The following SMARCAD1 variants were observed in gnomAD, a reference collection of about 807,000 sequenced individuals.
SMARCAD1 encodes SNF2 related chromatin remodeling ATPase with DExD box 1.
A neutral mutation model predicts 127.1 loss-of-function variants in SMARCAD1; 25 were observed. The observed-to-expected ratio is 0.20, with a 90% CI of 0.14 to 0.27. The LOEUF (loss-of-function observed/expected upper bound fraction) is 0.27, where lower values mean the gene tolerates loss of function less well. SMARCAD1 is among the 10% of genes least tolerant of loss of function. The pLI is 1.00. For synonymous variants in SMARCAD1, 400 were observed against 396.9 expected (o/e 1.01, Z -0.09); for missense variants, 807 against 1,206.0 (o/e 0.67, Z 4.90).
At chr4:94,228,817 T>G (rs1183324616) in intron 3 of SMARCAD1, among the ~76,000 whole-genome samples, 3 of 152,162 alleles carry the variant, frequency 2.0e-5, no homozygotes, top group African/African-American at 7.2e-5. Context: ...GTTTGTCATA[T>G]CTCTTTAAAC....
At chr4:94,257,178 A>G (rs1367122752) in intron 9 of SMARCAD1, among the ~76,000 whole-genome samples, 1 of 152,196 alleles carries the variant, frequency 6.6e-6, no homozygotes, top group African/African-American at 2.4e-5. Context: ...GGAAGTAGCA[A>G]TTAGCTTTTT....
intron 3 of SMARCAD1, among the ~76,000 whole-genome samples, chr4:94,229,658 A>G (rs1473538340): frequency 6.6e-6 from 1 of 152,144 alleles, no homozygotes; most frequent in Non-Finnish European, 1.5e-5. Flanking sequence ...GGAAATATAG[A>G]AACTTCTTCT....
At chr4:94,230,002 C>G (rs1330574231) in intron 3 of SMARCAD1, among the ~76,000 whole-genome samples, 2 of 151,696 alleles carry the variant, frequency 1.3e-5, no homozygotes, top group Non-Finnish European at 1.5e-5. Context: ...TACTACTTGA[C>G]CATTGAGGGT....
intron 9 of SMARCAD1, among the ~76,000 whole-genome samples, chr4:94,263,262 A>T (rs1485139010): frequency 6.6e-6 from 1 of 152,116 alleles, no homozygotes; most frequent in Non-Finnish European, 1.5e-5. Flanking sequence ...TCAGCATGAG[A>T]TTGGTTTATG....
chr4:94,268,028 G>GA (rs1157379986), intron 10 of SMARCAD1, among the ~76,000 whole-genome samples: 2 of 152,126 alleles, frequency 1.3e-5, no homozygotes, highest in Admixed American at 6.5e-5. Context: ...TACATGCTGA[G>GA]AAAGGATCTG....
At chr4:94,260,451 C>T (rs1206855969) in intron 9 of SMARCAD1, among the ~76,000 whole-genome samples, 2 of 152,094 alleles carry the variant, frequency 1.3e-5, no homozygotes, top group Non-Finnish European at 2.9e-5. Context: ...TCAAGAAATT[C>T]TTGTGCCTCA....
chr4:94,224,557 A>T (rs1283081551), intron 2 of SMARCAD1, among the ~76,000 whole-genome samples: 1 of 152,148 alleles, frequency 6.6e-6, no homozygotes, highest in Non-Finnish European at 1.5e-5. Flanking sequence ...TCTTGGAGTC[A>T]TGTCAGTGCT....
At chr4:94,265,508 CA>C (rs1005914838) in intron 10 of SMARCAD1, among the ~76,000 whole-genome samples, 22 of 145,492 alleles carry the variant, frequency 1.5e-4, no homozygotes, top group Admixed American at 2.8e-4. Context: ...AGAATTCATG[CA>C]AAAAAAAAAT....
At chr4:94,286,323 A>C (rs1205501931) in intron 23 of SMARCAD1, among the ~76,000 whole-genome samples, 1 of 152,228 alleles carries the variant, frequency 6.6e-6, no homozygotes. Flanking sequence ...TCCAAAGAGA[A>C]TAAACCTTCA....
rs1174396873 is a variant in SMARCAD1, at chr4:94,226,161, C to A, written c.233C>A (p.Ala78Glu). 6.2e-6 allele frequency: 10 copies of A among 1,611,230 alleles called. No homozygotes were observed. The highest frequency in any genetic ancestry group is 8.5e-6 in the Non-Finnish European group (10 of 1,177,998). Residue 78 changes from alanine to glutamate, a missense_variant, in exon 3 of 24, where the codon GCA becomes GAA. By Grantham distance (107) the Ala-to-Glu change is moderately radical. This residue lies in a region of SMARCAD1 where 175 missense variants were observed against 169.5 expected (regional missense o/e 1.03). Transcript: ENST00000354268. ...VPETPDNERK[A>E]SISYFKNQRG... ...GAAACTCCAGATAATGAAAGAAAAG[C>A]AAGTATATCATATTTCAAAAATCAA...
chr4:94,282,110 T>TG (rs1349818732), intron 21 of SMARCAD1, among the ~76,000 whole-genome samples: 4,428 of 100,288 alleles, frequency 0.044, 302 homozygotes, highest in African/African-American at 0.14. Flanking sequence ...GTTTTTTTTT[T>TG]TTTTTTTGAG....
intron 6 of SMARCAD1, among the ~76,000 whole-genome samples, chr4:94,248,054 G>A (rs111260709): frequency 1.3e-5 from 2 of 152,168 alleles, no homozygotes; most frequent in African/African-American, 4.8e-5. Context: ...TTATGAACAC[G>A]TGTACCCAAT....
At chr4:94,289,176 A>C (rs1205526667) in intron 23 of SMARCAD1, among the ~76,000 whole-genome samples, 1 of 152,164 alleles carries the variant, frequency 6.6e-6, no homozygotes, top group African/African-American at 2.4e-5. Context: ...AAATGTGAGA[A>C]GTTAAGTACC....
At chr4:94,276,554 A>AGAAT in intron 15 of SMARCAD1, 80 bp downstream of exon 15, 1 of 1,511,474 alleles carries the variant, frequency 6.6e-7, no homozygotes, top group Non-Finnish European at 9.0e-7. Flanking sequence ...ATTTATTAGC[A>AGAAT]GAATCTGTAT....
At chr4:94,237,383 T>C (rs1271621219) in intron 5 of SMARCAD1, among the ~76,000 whole-genome samples, 1 of 152,050 alleles carries the variant, frequency 6.6e-6, no homozygotes, top group African/African-American at 2.4e-5. Context: ...AAATATTTTT[T>C]CATGTTTCAG....
rs1560504546 is a variant in SMARCAD1 at position 94,208,467 on chromosome 4, C to G, written c.73C>G (p.Pro25Ala). 1 of 1,614,070 alleles carries G rather than the reference C, an allele frequency of 6.2e-7. No homozygotes were observed. The highest frequency in any genetic ancestry group is 8.5e-7 in the Non-Finnish European group (1 of 1,180,006). Residue 25 changes from proline to alanine, a missense_variant, in exon 2 of 24, where the codon CCT becomes GCT. Physicochemically the swap from Pro to Ala is conservative, Grantham distance 27. Coordinates refer to ENST00000354268, the MANE Select transcript of SMARCAD1 (RefSeq NM_020159.5). ...GATTGAGGAAGCGCCCGAAGCAACC[C>G]CTCAACCTTCCCAGCCTGGCCCTTC... ...NKIEEAPEAT[P>A]QPSQPGPSSP...
At position 94,236,933 on chromosome 4, in the gene SMARCAD1, T is replaced by C. The variant is rs952138357; in HGVS notation, c.538-19T>C. The C allele has an allele frequency of 1.3e-6, 2 of 1,598,558 alleles. No individual in the cohort carries two copies. Among genetic ancestry groups the C allele is most frequent in the African/African-American group, 1.3e-5 (1 of 74,700 alleles). On this transcript the variant is annotated intron_variant, in intron 4 of 23. Coordinates refer to ENST00000354268, the MANE Select transcript of SMARCAD1 (RefSeq NM_020159.5). ...TTAAAGTGCTGATTTAAAACATTAA[T>C]CTTTTCTCGTTCTGTTAGTTGATTG...
At chr4:94,247,993 C>T (rs953965584) in intron 6 of SMARCAD1, among the ~76,000 whole-genome samples, 2 of 152,132 alleles carry the variant, frequency 1.3e-5, no homozygotes, top group Admixed American at 6.5e-5. Flanking sequence ...ACTCTTCCCC[C>T]ACATCCTCCC....
intron 2 of SMARCAD1, among the ~76,000 whole-genome samples, chr4:94,225,354 C>T (rs958622420): frequency 7.2e-5 from 11 of 152,062 alleles, no homozygotes; most frequent in African/African-American, 9.7e-5. Flanking sequence ...TTTTGCATCC[C>T]GGTGTGTCTC....
Sources: gnomAD v4.1 joint callset for allele counts (sites outside exome capture counted in the v4.1 genomes callset) on GRCh38, gnomAD v4.1.1 for gene constraint, gnomAD v4.1.1 regional missense constraint, MANE v1.5 for transcripts, NCBI Gene and HGNC (gene_info 2026-07-23, HGNC 2026-07-21) for gene names.